Variants in PPP1CB observed in about 807,000 individuals in gnomAD.
PPP1CB encodes serine/threonine-protein phosphatase PP1-beta catalytic subunit.
Under a neutral mutation model 43.7 loss-of-function variants are expected in PPP1CB, and 2 were observed. The ratio of observed to expected loss-of-function variants is 0.05; its 90% CI spans 0.02 to 0.14. The LOEUF is 0.14. PPP1CB is among the 10% of genes least tolerant of loss of function. The probability of loss-of-function intolerance (pLI) is 1.00; values close to 1 mark genes in which losing one functional copy is unlikely to be tolerated. For missense variants in PPP1CB, 84 were observed against 398.0 expected (o/e 0.21, Z 6.71); for synonymous variants, 136 against 135.6 (o/e 1.00, Z -0.02).
intron 1 of PPP1CB, among the ~76,000 whole-genome samples, chr2:28,755,499 A>G (rs758543442): frequency 1.3e-4 from 20 of 152,328 alleles, no homozygotes; most frequent in Non-Finnish European, 2.6e-4. Context: ...AAAGACTTCT[A>G]CTTTATCCCC....
intron 7 of PPP1CB, 130 bp from the exon 8 acceptor site, chr2:28,799,069 G>T: frequency 1.6e-6 from 1 of 632,122 alleles, no homozygotes; most frequent in Non-Finnish European, 2.8e-6. Flanking sequence ...AATGTTTATG[G>T]AACTTTGCTA....
intron 6 of PPP1CB, among the ~76,000 whole-genome samples, chr2:28,792,382 A>G (rs1010604369): frequency 4.3e-4 from 66 of 152,078 alleles, no homozygotes; most frequent in African/African-American, 1.5e-3. Context: ...TTAGCCAGGC[A>G]TGGTGGCACA....
At chr2:28,751,826 C>G, upstream of PPP1CB, 1 of 488,328 alleles carries the variant, frequency 2.0e-6, no homozygotes. Context: ...CGCTGGTGAG[C>G]TTTGCGGAGC....
At chr2:28,764,703 A>G (rs753464781) in intron 1 of PPP1CB, among the ~76,000 whole-genome samples, 2 of 151,896 alleles carry the variant, frequency 1.3e-5, no homozygotes, top group Non-Finnish European at 2.9e-5. Flanking sequence ...AGGCGAGTGG[A>G]TCACTTGAGG....
chr2:28,787,241 C>T (rs1422997471), intron 5 of PPP1CB, among the ~76,000 whole-genome samples: 2 of 152,162 alleles, frequency 1.3e-5, no homozygotes, highest in African/African-American at 2.4e-5. Flanking sequence ...GGGCGGATCA[C>T]GAGGTTAGGA....
chr2:28,759,519 C>CA (rs1666588725), intron 1 of PPP1CB, among the ~76,000 whole-genome samples: 1 of 28,418 alleles, frequency 3.5e-5, no homozygotes, highest in Non-Finnish European at 6.5e-5. Context: ...GACTGCATCT[C>CA]CAAAAAAAAA....
chr2:28,772,081 C>A (rs150243031), intron 1 of PPP1CB, among the ~76,000 whole-genome samples: 1 of 151,800 alleles, frequency 6.6e-6, no homozygotes, highest in Non-Finnish European at 1.5e-5. Context: ...CTTTGGGAGG[C>A]CAAGGCGGGG....
intron 7 of PPP1CB, among the ~76,000 whole-genome samples, chr2:28,796,685 A>G (rs576994617): frequency 1.1e-4 from 16 of 152,214 alleles, no homozygotes; most frequent in South Asian, 4.1e-4. Flanking sequence ...GGCGGAGTCT[A>G]TGGGGTTTTC....
intron 4 of PPP1CB, among the ~76,000 whole-genome samples, chr2:28,783,064 G>A (rs1361823074): frequency 6.6e-6 from 1 of 152,110 alleles, no homozygotes; most frequent in Non-Finnish European, 1.5e-5. Context: ...AGAAATAATA[G>A]CTTATATACC....
chr2:28,770,193 G>GCC (rs1347747837), intron 1 of PPP1CB, among the ~76,000 whole-genome samples: 1 of 152,104 alleles, frequency 6.6e-6, no homozygotes, highest in Non-Finnish European at 1.5e-5. Context: ...AATCTGGGAG[G>GCC]CAAAGGTTTC....
rs1667651125 is a variant in PPP1CB at position 28,802,889 on chromosome 2, C to T, written c.*3586C>T. On this transcript the variant is annotated 3_prime_UTR_variant, in exon 8 of 8. Transcript: ENST00000395366. The stretch of plus-strand genomic sequence containing the variant: ...TTTTAAGTTTCTCATTGTAATTTAC[C>T]TTCTCATGCAGATTGCTGATGTTTT... 6.6e-6 allele frequency: 1 copy of T among 152,094 alleles called. No individual in the cohort carries two copies. Among genetic ancestry groups the T allele is most frequent in the Non-Finnish European group, 1.5e-5 (1 of 68,018 alleles). 9.4% of individuals were successfully genotyped at this position (152,094 alleles called of 1,614,324 possible).
chr2:28,798,995 A>C (rs749731386), intron 7 of PPP1CB, among the ~76,000 whole-genome samples: 1 of 152,056 alleles, frequency 6.6e-6, no homozygotes, highest in Non-Finnish European at 1.5e-5. Flanking sequence ...TGATAGAGTT[A>C]GTGTACTTTT....
chr2:28,774,645 C>G (rs1666994318), intron 1 of PPP1CB, among the ~76,000 whole-genome samples: 1 of 152,114 alleles, frequency 6.6e-6, no homozygotes, highest in Admixed American at 6.6e-5. Flanking sequence ...AGGCTGGTCT[C>G]AAACTCCTGA....
At chr2:28,767,604 T>C (rs1199872275) in intron 1 of PPP1CB, among the ~76,000 whole-genome samples, 2 of 152,172 alleles carry the variant, frequency 1.3e-5, no homozygotes, top group African/African-American at 2.4e-5. Context: ...CGAAAAGCAG[T>C]GTGAAGTGAT....
At chr2:28,784,243 A>G (rs1667213812) in intron 5 of PPP1CB, among the ~76,000 whole-genome samples, 1 of 152,092 alleles carries the variant, frequency 6.6e-6, no homozygotes. Context: ...CCTTATACCT[A>G]TTTTTCTAAA....
intron 1 of PPP1CB, among the ~76,000 whole-genome samples, chr2:28,770,529 TA>T (rs1666883594): frequency 6.6e-6 from 1 of 152,060 alleles, no homozygotes; most frequent in South Asian, 2.1e-4. Flanking sequence ...GCTAAAAGGA[TA>T]AATTTAATGG....
At chr2:28,791,023 A>G (rs1299226987) in intron 6 of PPP1CB, among the ~76,000 whole-genome samples, 2 of 152,200 alleles carry the variant, frequency 1.3e-5, no homozygotes, top group Non-Finnish European at 2.9e-5. Flanking sequence ...CTGTTGCTTT[A>G]TATAGTTGCT....
intron 1 of PPP1CB, among the ~76,000 whole-genome samples, chr2:28,760,555 A>T (rs1452325116): frequency 6.6e-6 from 1 of 152,224 alleles, no homozygotes; most frequent in East Asian, 1.9e-4. Flanking sequence ...ACAACAACAA[A>T]ATCACCTCAC....
At chr2:28,796,023 T>C (rs6547880) in intron 7 of PPP1CB, among the ~76,000 whole-genome samples, 83,699 of 151,970 alleles carry the variant, frequency 0.55, 23,498 homozygotes, top group Middle Eastern at 0.62. Flanking sequence ...GCCAGTTATC[T>C]TAGCACCATT....
Sources: gnomAD v4.1 joint callset for allele counts (sites outside exome capture counted in the v4.1 genomes callset) on GRCh38, gnomAD v4.1.1 for gene constraint, MANE v1.5 for transcripts, NCBI Gene and HGNC (gene_info 2026-07-23, HGNC 2026-07-21) for gene names.